Variants in SPMIP8 observed in about 807,000 individuals in gnomAD.
SPMIP8 encodes the protein sperm microtubule inner protein 8.
chr16:57,987,090 C>T, the SPMIP8 span: 13 of 340,070 alleles, frequency 3.8e-5, no homozygotes, highest in African/African-American at 2.3e-4. Context: ...CACGGGGAAA[C>T]GTTTCTGGGT....
At chr16:57,985,219 C>T in the SPMIP8 span, 2 of 1,542,974 alleles carry the variant, frequency 1.3e-6, no homozygotes, top group South Asian at 1.2e-5. Context: ...AGGGTCTCAG[C>T]GGCTACGCGG....
chr16:57,980,953 G>A, the SPMIP8 span, among the ~76,000 whole-genome samples: 1 of 152,282 alleles, frequency 6.6e-6, no homozygotes, highest in African/African-American at 2.4e-5. Context: ...GGGCTCAAGT[G>A]ATCCTCCAGC....
chr16:57,985,791 G>A, the SPMIP8 span: 2 of 1,359,086 alleles, frequency 1.5e-6, no homozygotes, highest in Non-Finnish European at 2.0e-6. Context: ...GGGTGAAGGC[G>A]CCCTGGAACC....
the SPMIP8 span, chr16:57,985,983 C>T: frequency 2.2e-5 from 35 of 1,574,792 alleles, no homozygotes; most frequent in Non-Finnish European, 3.0e-5. Context: ...CAACCACGTT[C>T]TCATCCGACT....
the SPMIP8 span, chr16:57,984,151 G>A: frequency 3.0e-5 from 21 of 699,872 alleles, no homozygotes; most frequent in Non-Finnish European, 4.7e-5. Context: ...TGATCCACCC[G>A]CCTCGGCCTC....
chr16:57,981,431 T>TA, the SPMIP8 span, among the ~76,000 whole-genome samples: 75 of 133,128 alleles, frequency 5.6e-4, 1 homozygote, highest in Non-Finnish European at 8.7e-4. Context: ...TTATTATTAT[T>TA]ATAATTTGGT....
At chr16:57,984,468 G>A in the SPMIP8 span, 1 of 1,543,286 alleles carries the variant, frequency 6.5e-7, no homozygotes, top group Non-Finnish European at 8.9e-7. Flanking sequence ...GTGCCTGCTT[G>A]GGACTCCCGC....
At chr16:57,985,192 C>T in the SPMIP8 span, 23 of 1,514,450 alleles carry the variant, frequency 1.5e-5, no homozygotes, top group Admixed American at 1.8e-4. Context: ...TCGAGAGGGG[C>T]TTTCTGTTCG....
At chr16:57,978,047 C>A in the SPMIP8 span, 1 of 1,611,524 alleles carries the variant, frequency 6.2e-7, no homozygotes. Flanking sequence ...AAGGTTAGGA[C>A]ACCAGTGTAG....
At chr16:57,977,693 T>C in the SPMIP8 span, 1 of 1,084,794 alleles carries the variant, frequency 9.2e-7, no homozygotes, top group Non-Finnish European at 1.3e-6. Context: ...TGGCACACAG[T>C]AGGTGCTAAA....
chr16:57,984,517 C>T, the SPMIP8 span: 6 of 1,501,178 alleles, frequency 4.0e-6, no homozygotes, highest in East Asian at 1.4e-4. Flanking sequence ...ACTTCGGGCG[C>T]CCCCTCGGTC....
chr16:57,984,723 T>C, the SPMIP8 span: 1 of 1,602,646 alleles, frequency 6.2e-7, no homozygotes, highest in South Asian at 1.1e-5. Flanking sequence ...CCGAGTGGAC[T>C]GGCCCTGCTT....
the SPMIP8 span, chr16:57,985,350 G>T: frequency 6.3e-7 from 1 of 1,575,222 alleles, no homozygotes; most frequent in Non-Finnish European, 8.6e-7. Context: ...GGGTTGAGGG[G>T]GGAGGAGACC....
At chr16:57,985,546 T>C in the SPMIP8 span, 1 of 1,595,286 alleles carries the variant, frequency 6.3e-7, no homozygotes. Context: ...TTCGACTCCC[T>C]GTAAGTGACG....
the SPMIP8 span, chr16:57,985,541 C>T: frequency 6.2e-7 from 1 of 1,604,108 alleles, no homozygotes; most frequent in Non-Finnish European, 8.5e-7. Context: ...TGCCTTTCGA[C>T]TCCCTGTAAG....
chr16:57,976,611 C>G, the SPMIP8 span: 1 of 1,613,930 alleles, frequency 6.2e-7, no homozygotes, highest in African/African-American at 1.3e-5. Flanking sequence ...GGCCTGGGCC[C>G]TACAGATAAG....
the SPMIP8 span, chr16:57,977,806 G>T: frequency 6.2e-7 from 1 of 1,608,980 alleles, no homozygotes. Context: ...AGAACCCTCT[G>T]CCCCCCAGCT....
chr16:57,986,616 C>T, the SPMIP8 span: 10 of 143,186 alleles, frequency 7.0e-5, no homozygotes, highest in Admixed American at 2.1e-4. Context: ...ATTATTGAGA[C>T]GGAGTCTCAC....
chr16:57,977,532 A>T, the SPMIP8 span, among the ~76,000 whole-genome samples: 1 of 148,682 alleles, frequency 6.7e-6, no homozygotes, highest in South Asian at 2.1e-4. Context: ...CTCTGTACTG[A>T]CCTCCCTCAC....
Sources: gnomAD v4.1 joint callset for allele counts (sites outside exome capture counted in the v4.1 genomes callset) on GRCh38, gnomAD v4.1.1 for gene constraint, MANE v1.5 for transcripts, NCBI Gene and HGNC (gene_info 2026-07-23, HGNC 2026-07-21) for gene names.